Variants in SLC35B4 observed in about 807,000 individuals in gnomAD.
SLC35B4 encodes nucleotide sugar transporter SLC35B4.
In SLC35B4, 28 loss-of-function variants were observed where a neutral mutation model predicts 39.5. The ratio of observed to expected loss-of-function variants is 0.71; its 90% confidence interval spans 0.53 to 0.97. The LOEUF is 0.97. Ranked by LOEUF, SLC35B4 falls within the 50% of genes least tolerant of loss-of-function variation. The pLI is 0.00. For missense variants in SLC35B4, 334 were observed against 414.3 expected (o/e 0.81, Z 1.68); for synonymous variants, 145 against 150.4 (o/e 0.96, Z 0.26).
At chr7:134,298,391 TAATCTC>T (rs1285181218) in intron 8 of SLC35B4, among the ~76,000 whole-genome samples, 1 of 152,196 alleles carries the variant, frequency 6.6e-6, no homozygotes, top group Non-Finnish European at 1.5e-5. Flanking sequence ...CTCAGAAACT[TAATCTC>T]AAGGAAAGCA....
chr7:134,294,980 A>G lies in SLC35B4; in HGVS notation c.849T>C (p.Phe283=), dbSNP rs770577921. ...VTLRKFVSLI[F]SILYFQNPFT... ...AGGGGTTCTGGAAGTACAAGATGGA[A>G]AAGATGAGGCTCACAAATTTGCGTA... Residue 283 remains phenylalanine, a synonymous_variant, in exon 10 of 10, where the codon TTT becomes TTC. Coordinates refer to ENST00000378509, the MANE Select transcript of SLC35B4 (RefSeq NM_032826.5). 2 of 1,614,240 alleles carry G rather than the reference A, an allele frequency of 1.2e-6. No individual in the cohort carries two copies. Among genetic ancestry groups the G allele is most frequent in the South Asian group, 2.2e-5 (2 of 91,086 alleles).
chr7:134,304,490 G>C (rs1400210314), intron 4 of SLC35B4, among the ~76,000 whole-genome samples: 1 of 152,312 alleles, frequency 6.6e-6, no homozygotes, highest in African/African-American at 2.4e-5. Context: ...CACGTGGCTA[G>C]TGGTGACCAT....
Position 134,299,516 on chromosome 7 carries a change from A to G in SLC35B4, c.673+7T>C. ...CAGGTAATTCTACTGTCTAACCCCA[A>G]ACTCACCAGACTTATTGAATAGAAC... On this transcript the variant is annotated splice_region_variant and intron_variant, in intron 8 of 9. Transcript: ENST00000378509. 6.2e-7 allele frequency: 1 copy of G among 1,611,784 alleles called. No homozygotes were observed. The highest frequency in any genetic ancestry group is 8.5e-7 in the Non-Finnish European group (1 of 1,177,962).
chr7:134,299,379 A>G lies in SLC35B4; in HGVS notation c.673+144T>C, dbSNP rs984474460. 3.4e-5 allele frequency: 17 copies of G among 497,230 alleles called. No individual in the cohort carries two copies. The Admixed American group carries it at 3.4e-4, about 10-fold the overall frequency. 30.8% of individuals were successfully genotyped at this position (497,230 alleles called of 1,614,324 possible). A position where few individuals can be genotyped will look rare whatever the true frequency, so the allele number is the denominator to read the frequency against. On this transcript the variant is annotated intron_variant, in intron 8 of 9. Coordinates refer to ENST00000378509, the MANE Select transcript of SLC35B4 (RefSeq NM_032826.5). The stretch of plus-strand genomic sequence containing the variant: ...TGTAAAAGCTTTTGCTGCTGCAATG[A>G]CTGGAAAGTGGAATGGAGACATTTT...
At chr7:134,302,298 A>C (rs1270705491) in intron 4 of SLC35B4, among the ~76,000 whole-genome samples, 188 bp from the exon 5 acceptor site, 1 of 152,224 alleles carries the variant, frequency 6.6e-6, no homozygotes, top group East Asian at 1.9e-4. Context: ...GTTTCTAACC[A>C]ACACTTTTCC....
Position 134,294,800 on chromosome 7 carries a change from C to G in SLC35B4, c.*33G>C. The G allele has an allele frequency of 1.9e-6, 3 of 1,607,568 alleles. No homozygotes were observed. Among genetic ancestry groups the G allele is most frequent in the Non-Finnish European group, 2.6e-6 (3 of 1,176,060 alleles). ...AGACCTTCACAGGGTCCCACCCTCA[C>G]GACGACACTGGTCTACGTACTCCAG... On this transcript the variant is annotated 3_prime_UTR_variant, in exon 10 of 10. Coordinates refer to ENST00000378509, the MANE Select transcript of SLC35B4 (RefSeq NM_032826.5).
At chr7:134,307,251 A>G (rs374731649) in intron 2 of SLC35B4, among the ~76,000 whole-genome samples, 20 of 152,268 alleles carry the variant, frequency 1.3e-4, no homozygotes, top group South Asian at 8.3e-4. Flanking sequence ...TAATGAGGAC[A>G]TGGTTTGACT....
At chr7:134,295,714 T>C (rs1218296890) in intron 9 of SLC35B4, among the ~76,000 whole-genome samples, 1 of 152,116 alleles carries the variant, frequency 6.6e-6, no homozygotes, top group Non-Finnish European at 1.5e-5. Flanking sequence ...GCCTCCTAAG[T>C]AGCTGGTAAT....
chr7:134,292,344 T>C lies in SLC35B4; in HGVS notation c.*2489A>G, dbSNP rs1250562405. 6.6e-6 allele frequency: 1 copy of C among 152,426 alleles called. No individual in the cohort carries two copies. The highest frequency in any genetic ancestry group is 1.5e-5 in the Non-Finnish European group (1 of 68,212). The allele number at this position is 152,426 out of a possible 1,614,324, so 9.4% of individuals were successfully genotyped here. On this transcript the variant is annotated 3_prime_UTR_variant, in exon 10 of 10. Transcript: ENST00000378509. Reference sequence around the variant, plus strand: ...TATTCAGCTACTAGAGAAAAAACAGTTCCCAGGGAATTTGGGGCTTTCTGC... The same window carrying C: ...TATTCAGCTACTAGAGAAAAAACAGCTCCCAGGGAATTTGGGGCTTTCTGC...
At chr7:134,296,300 G>T in intron 9 of SLC35B4, 91 bp downstream of exon 9, 1 of 1,150,626 alleles carries the variant, frequency 8.7e-7, no homozygotes, top group Non-Finnish European at 1.3e-6. Flanking sequence ...TCATATTCAA[G>T]TCAACACACT....
At chr7:134,312,546 A>G (rs897861861) in intron 1 of SLC35B4, among the ~76,000 whole-genome samples, 7 of 152,260 alleles carry the variant, frequency 4.6e-5, no homozygotes, top group African/African-American at 1.4e-4. Context: ...TTCTGCTCTC[A>G]CTTTCGGGTC....
At chr7:134,296,051 A>T (rs1357500010) in intron 9 of SLC35B4, among the ~76,000 whole-genome samples, 1 of 146,746 alleles carries the variant, frequency 6.8e-6, no homozygotes, top group Non-Finnish European at 1.5e-5. Flanking sequence ...CTGGTCTCAA[A>T]CTCCTGACCT....
intron 7 of SLC35B4, among the ~76,000 whole-genome samples, 167 bp from the exon 8 acceptor site, chr7:134,299,765 G>T (rs550912587): frequency 3.9e-5 from 6 of 152,316 alleles, no homozygotes; most frequent in Admixed American, 2.0e-4. Context: ...ACTTCACCTT[G>T]TATGGCAGGA....
rs770702258 is a variant in SLC35B4 at position 134,294,857 on chromosome 7, A to G, written c.972T>C (p.Pro324=). 1 of 1,614,054 alleles carries G rather than the reference A, an allele frequency of 6.2e-7. No homozygotes were observed. Among genetic ancestry groups the G allele is most frequent in the Non-Finnish European group, 8.5e-7 (1 of 1,180,010 alleles). Residue 324 remains proline, a synonymous_variant, in exon 10 of 10, where the codon CCT becomes CCC. Coordinates refer to ENST00000378509, the MANE Select transcript of SLC35B4 (RefSeq NM_032826.5). Reference sequence around the variant, plus strand: ...CTCAGTTCTTCTTGCTGTCCTTCTGAGGCTCACTTTTTGTGGTCCCTAGGT... The same window carrying G: ...CTCAGTTCTTCTTGCTGTCCTTCTGGGGCTCACTTTTTGTGGTCCCTAGGT... The part of the protein sequence containing the change: ...WNNLGTTKSE[P]QKDSKKN
intron 2 of SLC35B4, among the ~76,000 whole-genome samples, chr7:134,308,249 T>G (rs2598297): frequency 0.51 from 76,988 of 151,574 alleles, 20,115 homozygotes; most frequent in African/African-American, 0.62. Flanking sequence ...TAAGTGAAAT[T>G]GATGGATGAA....
intron 2 of SLC35B4, 38 bp from the exon 3 acceptor site, chr7:134,306,812 AG>A (rs918014024): frequency 2.0e-6 from 3 of 1,520,490 alleles, no homozygotes; most frequent in Non-Finnish European, 2.7e-6. Flanking sequence ...AACAGAATCT[AG>A]GATTTCAAGA....
chr7:134,317,035 C>A (rs1162033838), upstream of SLC35B4: 3 of 403,344 alleles, frequency 7.4e-6, no homozygotes, highest in African/African-American at 2.1e-5. Flanking sequence ...CCTCAGGATG[C>A]GACGTTCCCG....
rs1460334570 is a variant in SLC35B4, at chr7:134,289,842, A to C, written c.*4991T>G. ...TACAACTTCTTTCTTAGAAAGTATCAGTATTTCTGCTTTTCTTTTTTCACG... is the reference window on the plus strand; with the variant it reads ...TACAACTTCTTTCTTAGAAAGTATCCGTATTTCTGCTTTTCTTTTTTCACG... On this transcript the variant is annotated 3_prime_UTR_variant, in exon 10 of 10. Transcript: ENST00000378509. The C allele has an allele frequency of 6.6e-6, 1 of 152,182 alleles. No individual in the cohort carries two copies. Among genetic ancestry groups the C allele is most frequent in the Admixed American group, 6.5e-5 (1 of 15,288 alleles). 9.4% of individuals were successfully genotyped at this position (152,182 alleles called of 1,614,324 possible).
Position 134,294,527 on chromosome 7 carries a change from T to C in SLC35B4, c.*306A>G, listed in dbSNP as rs1803411444. 1 of 266,776 alleles carries C rather than the reference T, an allele frequency of 3.7e-6. No individual in the cohort carries two copies. The highest frequency in any genetic ancestry group is 4.5e-5 in the Admixed American group (1 of 21,996). 16.5% of individuals were successfully genotyped at this position (266,776 alleles called of 1,614,324 possible). A position where few individuals can be genotyped will look rare whatever the true frequency, so the allele number is the denominator to read the frequency against. ...AAGACCATGGATAGTAAGCCTTTTG[T>C]TCAGGAGACTCAGAATTCAGAAAAC... On this transcript the variant is annotated 3_prime_UTR_variant, in exon 10 of 10. Transcript: ENST00000378509.
Sources: gnomAD v4.1 joint callset for allele counts (sites outside exome capture counted in the v4.1 genomes callset) on GRCh38, gnomAD v4.1.1 for gene constraint, MANE v1.5 for transcripts, NCBI Gene and HGNC (gene_info 2026-07-23, HGNC 2026-07-21) for gene names.